FLII: variants seen among roughly 807,000 people sequenced by gnomAD.
FLII encodes FLII actin remodeling protein.
FLII carries 101 observed loss-of-function variants against 156.2 expected under a neutral mutation model. The ratio of observed to expected loss-of-function variants is 0.65; its 90% CI spans 0.55 to 0.76. The LOEUF (loss-of-function observed/expected upper bound fraction) is 0.76, where lower values mean the gene tolerates loss of function less well. Ranked by LOEUF, FLII falls within the 30% of genes least tolerant of loss-of-function variation. The pLI is 0.00. For missense variants in FLII, 1,675 were observed against 1,682.8 expected, an observed-to-expected ratio of 1.00 and a Z score of 0.08; for synonymous variants, 767 against 685.8, an observed-to-expected ratio of 1.12 and a Z score of -1.85.
chr17:18,252,090 A>C lies in FLII; in HGVS notation c.1155T>G (p.Arg385=). 6.2e-7 allele frequency: 1 copy of C among 1,613,448 alleles called. No homozygotes were observed. Among genetic ancestry groups the C allele is most frequent in the Non-Finnish European group, 8.5e-7 (1 of 1,180,040 alleles). Residue 385 remains arginine, a synonymous_variant, in exon 11 of 30, where the codon CGT becomes CGG. Transcript: ENST00000327031. ...NLVMPPKPAD[R]AAEWYNIDFS... is the part of the protein sequence containing the mutation. ...AGTCGATGTTGTACCACTCAGCGGC[A>C]CGGTCTGCGGGCTTGGGCGGCATGA...
chr17:18,257,750 AGGTGT>A (rs1319642372), intron 1 of FLII, among the ~76,000 whole-genome samples: 2 of 152,202 alleles, frequency 1.3e-5, no homozygotes, highest in African/African-American at 4.8e-5. Flanking sequence ...TTGGGGTCAA[AGGTGT>A]GTACACAGGC....
At position 18,252,068 on chromosome 17, in the gene FLII, C is replaced by T. The variant is rs762217588; in HGVS notation, c.1177G>A (p.Asp393Asn). ...CGCAGCTGGTTCTGCAGCGAGAAGT[C>T]GATGTTGTACCACTCAGCGGCACGG... ...ADRAAEWYNI[D>N]FSLQNQLRLA... The change falls in exon 11 of 30, where the codon GAC becomes AAC. Residue 393 changes from aspartate (D) to asparagine (N), a missense_variant. Asp to Asn is a conservative substitution (Grantham distance 23). This residue lies in a region of FLII where 1,332 missense variants were observed against 1,269.3 expected (regional missense o/e 1.05). Transcript: ENST00000327031. 7 of 1,613,388 alleles carry T rather than the reference C, an allele frequency of 4.3e-6. No individual in the cohort carries two copies. Among genetic ancestry groups the T allele is most frequent in the South Asian group, 2.2e-5 (2 of 91,078 alleles).
chr17:18,246,669 G>A lies in FLII; in HGVS notation c.2976C>T (p.Ala992=). The A allele has an allele frequency of 1.9e-6, 3 of 1,613,838 alleles. No individual in the cohort carries two copies. The highest frequency in any genetic ancestry group is 2.5e-6 in the Non-Finnish European group (3 of 1,179,894). ...TGAAGGTGAGCCAGCCCATATTGGA[G>A]GCTTCACGGCCCTGCCAGAAGTACA... is the stretch of plus-strand genomic sequence containing the variant. ...CIVYFWQGRE[A]SNMGWLTFTF... is the part of the protein sequence containing the mutation. The change falls in exon 23 of 30, where the codon GCC becomes GCT. Residue 992 remains alanine (A), a synonymous_variant. Transcript: ENST00000327031.
At position 18,254,751 on chromosome 17, in the gene FLII, C is replaced by T. The variant is rs1010618163; in HGVS notation, c.413+18G>A. The T allele has an allele frequency of 2.5e-5, 41 of 1,613,866 alleles. No individual in the cohort carries two copies. The Admixed American group carries it at 3.2e-4, about 12-fold the overall frequency. ...CCCACAGGGCCCACCTGCCCCCTGC[C>T]CCCCACTGGCCTGGCACCTGTTGTG... On this transcript the variant is annotated intron_variant, in intron 5 of 29. Coordinates refer to ENST00000327031, the MANE Select transcript of FLII (RefSeq NM_002018.4).
chr17:18,253,394 T>C lies in FLII; in HGVS notation c.920A>G (p.Asp307Gly). The part of the protein sequence containing the change: ...LYLNSNKLDF[D>G]GLPSGIGKLT... ...CTTGCCAATGCCTGAGGGCAGCCCG[T>C]CAAAGTCCAGCTTGTTGGAATTCAG... The change falls in exon 9 of 30, where the codon GAC becomes GGC. Residue 307 changes from aspartate to glycine, a missense_variant. Transcript: ENST00000327031. 1 of 1,613,882 alleles carries C rather than the reference T, an allele frequency of 6.2e-7. No individual in the cohort carries two copies. Among genetic ancestry groups the C allele is most frequent in the South Asian group, 1.1e-5 (1 of 91,076 alleles).
chr17:18,252,603 G>T, intron 9 of FLII, 47 bp from the exon 10 acceptor site: 1 of 1,515,490 alleles, frequency 6.6e-7, no homozygotes, highest in Non-Finnish European at 9.2e-7. Flanking sequence ...GACAGACAAG[G>T]GGAAGTGGGC....
chr17:18,246,858 C>G, intron 22 of FLII, 30 bp from the exon 23 acceptor site: 2 of 1,614,050 alleles, frequency 1.2e-6, no homozygotes, highest in Admixed American at 1.7e-5. Flanking sequence ...TGAGCAGGGG[C>G]TCGAGCCCCC....
Position 18,245,345 on chromosome 17 carries a change from C to T in FLII, c.3675+9G>A, listed in dbSNP as rs765209806. On this transcript the variant is annotated intron_variant, in intron 29 of 29. Coordinates refer to ENST00000327031, the MANE Select transcript of FLII (RefSeq NM_002018.4). ...AGGCCCACCTCGGCCCTCCCTCCAC[C>T]CAGATTACCTGGCAGGCCTTCAGGC... The T allele has an allele frequency of 1.2e-6, 2 of 1,614,212 alleles. No homozygotes were observed. Among genetic ancestry groups the T allele is most frequent in the South Asian group, 1.1e-5 (1 of 91,092 alleles).
chr17:18,253,519 C>A lies in FLII; in HGVS notation c.855+25G>T, dbSNP rs1420216733. On this transcript the variant is annotated intron_variant, in intron 8 of 29. Coordinates refer to ENST00000327031, the MANE Select transcript of FLII (RefSeq NM_002018.4). ...CCAGGCTCACGGCCTTCCTCCCATC[C>A]CCCTACTGAGGGCCTCAGACGCACG... is the stretch of plus-strand genomic sequence containing the variant. 5.0e-6 allele frequency: 8 copies of A among 1,612,968 alleles called. No homozygotes were observed. In the Admixed American group the frequency reaches 5.0e-5, roughly 10 times the overall value.
intron 3 of FLII, 79 bp downstream of exon 3, chr17:18,256,447 G>A (rs2048419715): frequency 1.7e-6 from 2 of 1,162,044 alleles, no homozygotes; most frequent in Admixed American, 4.0e-5. Flanking sequence ...GCCCAGCTTG[G>A]TGTCTAGCCC....
At chr17:18,245,448 G>A in intron 28 of FLII, 29 bp from the exon 29 acceptor site, 1 of 1,613,548 alleles carries the variant, frequency 6.2e-7, no homozygotes, top group Non-Finnish European at 8.5e-7. Context: ...AGATACGGTT[G>A]CATGGGTGCC....
chr17:18,247,178 C>G lies in FLII; in HGVS notation c.2667G>C (p.Ser889=). 3 of 1,565,942 alleles carry G rather than the reference C, an allele frequency of 1.9e-6. No individual in the cohort carries two copies. Among genetic ancestry groups the G allele is most frequent in the Non-Finnish European group, 2.6e-6 (3 of 1,165,874 alleles). The change falls in exon 21 of 30, where the codon TCG becomes TCC. Residue 889 remains serine, a synonymous_variant. Transcript: ENST00000327031. ...ALFLPRQPPM[S]LAEAEQLMEE... is the part of the protein sequence containing the mutation. ...CCGGCCCTGCCCCCACCTCGGCCAG[C>G]GACATGGGCGGCTGCCGCGGCAGGA... is the stretch of plus-strand genomic sequence containing the variant.
Position 18,250,856 on chromosome 17 carries a change from C to G in FLII, c.1758G>C (p.Glu586Asp), listed in dbSNP as rs1331436509. The change falls in exon 14 of 30, where the codon GAG becomes GAC. Residue 586 changes from glutamate (E) to aspartate (D), a missense_variant. Glu to Asp is a conservative substitution (Grantham distance 45). Transcript: ENST00000327031. ...CRTVREEMGD[E>D]SEEFLQVFDN... ...CTGGCACCTGCAGGAACTCCTCGCT[C>G]TCATCGCCCATCTCCTCCCGGACAG... The G allele has an allele frequency of 6.2e-7, 1 of 1,613,448 alleles. No homozygotes were observed. Among genetic ancestry groups the G allele is most frequent in the Non-Finnish European group, 8.5e-7 (1 of 1,179,570 alleles).
chr17:18,251,275 A>G lies in FLII; in HGVS notation c.1586T>C (p.Ile529Thr), dbSNP rs1240881594. 3.7e-6 allele frequency: 6 copies of G among 1,613,938 alleles called. No individual in the cohort carries two copies. Among genetic ancestry groups the G allele is most frequent in the Non-Finnish European group, 4.2e-6 (5 of 1,179,986 alleles). ...HGKFYEADCY[I>T]VLKTFLDDSG... is the part of the protein sequence containing the mutation. ...ATGCCCAGCCCTCACCTTGAGCACA[A>G]TGTAGCAGTCAGCCTCGTAGAACTT... Residue 529 changes from isoleucine (I) to threonine (T), a missense_variant, in exon 13 of 30, where the codon ATT becomes ACT. By Grantham distance (89) the Ile-to-Thr change is moderately conservative. Around this residue, in one of 2 missense-constraint regions of FLII, gnomAD observed 1,332 missense variants for 1,269.3 expected, o/e 1.05. Transcript: ENST00000327031.
rs2048275833 is a variant in FLII at position 18,251,748 on chromosome 17, C to A, written c.1315G>T (p.Asp439Tyr). The A allele has an allele frequency of 6.2e-7, 1 of 1,613,926 alleles. No homozygotes were observed. The highest frequency in any genetic ancestry group is 1.1e-5 in the South Asian group (1 of 91,096). Residue 439 changes from aspartate (D) to tyrosine (Y), a missense_variant, in exon 12 of 30, where the codon GAT (aspartate) becomes TAT (tyrosine). Physicochemically the swap from Asp to Tyr is radical, Grantham distance 160. Around this residue, in one of 2 missense-constraint regions of FLII, gnomAD observed 1,332 missense variants for 1,269.3 expected, o/e 1.05. Coordinates refer to ENST00000327031, the MANE Select transcript of FLII (RefSeq NM_002018.4). Reference protein sequence around the residue: ...RLRRRKDSAQDDQAKQVLKGM... With the variant: ...RLRRRKDSAQYDQAKQVLKGM... ...TTCAGCACCTGCTTGGCCTGGTCAT[C>A]CTGGGCTGAATCCTTGCGCCTCCGC...
In FLII at chr17:18,254,752, C is replaced by A; in HGVS notation, c.413+17G>T. On this transcript the variant is annotated intron_variant, in intron 5 of 29. Coordinates refer to ENST00000327031, the MANE Select transcript of FLII (RefSeq NM_002018.4). ...CCACAGGGCCCACCTGCCCCCTGCC[C>A]CCCACTGGCCTGGCACCTGTTGTGG... The A allele has an allele frequency of 6.2e-7, 1 of 1,614,024 alleles. No individual in the cohort carries two copies. Among genetic ancestry groups the A allele is most frequent in the Non-Finnish European group, 8.5e-7 (1 of 1,179,968 alleles).
chr17:18,254,131 C>T lies in FLII; in HGVS notation c.627G>A (p.Gln209=), dbSNP rs759987113. ...ALQTLHLRST[Q]RTQSNLPTSL... ...TGGTGGGCAGGTTGCTCTGGGTGCGCTGGGTGCTCCGCAGGTGCAGGGTCT... is the reference window on the plus strand; with the variant it reads ...TGGTGGGCAGGTTGCTCTGGGTGCGTTGGGTGCTCCGCAGGTGCAGGGTCT... Residue 209 remains glutamine (Q), a synonymous_variant, in exon 7 of 30, where the codon CAG becomes CAA. Transcript: ENST00000327031. 4.3e-6 allele frequency: 7 copies of T among 1,611,674 alleles called. No homozygotes were observed. The highest frequency in any genetic ancestry group is 5.9e-6 in the Non-Finnish European group (7 of 1,179,016).
In FLII at chr17:18,248,897, G is replaced by A; in HGVS notation, c.1935-14C>T. 1 of 1,609,572 alleles carries A rather than the reference G, an allele frequency of 6.2e-7. No homozygotes were observed. The highest frequency in any genetic ancestry group is 8.5e-7 in the Non-Finnish European group (1 of 1,176,022). ...AGGAAAACAAACCTGGACAAGAAGG[G>A]GCAGGAAGGAGCTGTGATGGTGCAT... On this transcript the variant is annotated splice_polypyrimidine_tract_variant and intron_variant, in intron 16 of 29. Coordinates refer to ENST00000327031, the MANE Select transcript of FLII (RefSeq NM_002018.4).
chr17:18,253,150 A>T lies in FLII; in HGVS notation c.1013+151T>A, dbSNP rs923523290. On this transcript the variant is annotated intron_variant, in intron 9 of 29. Transcript: ENST00000327031. The stretch of plus-strand genomic sequence containing the variant: ...AGGCGACAGAGCGAGACTCTGTCTC[A>T]AAAACAAAAAAGAAAAGAAAAGAAA... 7.0e-6 allele frequency: 6 copies of T among 860,354 alleles called. No homozygotes were observed. The African/African-American group carries it at 1.0e-4, about 15-fold the overall frequency. The allele number at this position is 860,354 out of a possible 1,614,324, so 53.3% of individuals were successfully genotyped here.
Sources: gnomAD v4.1 joint callset for allele counts (sites outside exome capture counted in the v4.1 genomes callset) on GRCh38, gnomAD v4.1.1 for gene constraint, gnomAD v4.1.1 regional missense constraint, MANE v1.5 for transcripts, NCBI Gene and HGNC (gene_info 2026-07-23, HGNC 2026-07-21) for gene names.